EYS: variants seen among roughly 807,000 people sequenced by gnomAD.
EYS encodes the protein protein eyes shut homolog.
EYS carries 250 observed loss-of-function variants against 282.1 expected under a neutral mutation model. That is an observed-to-expected ratio of 0.89 (90% confidence interval 0.80 to 0.98). EYS has a LOEUF of 0.98. Ranked by LOEUF, EYS falls within the 50% of genes least tolerant of loss-of-function variation. The pLI, the probability that EYS is intolerant of heterozygous loss-of-function variation, is 0.00. For missense variants in EYS, 4,016 were observed against 3,709.0 expected (o/e 1.08, Z -2.15); for synonymous variants, 1,355 against 1,282.9 (o/e 1.06, Z -1.20).
chr6:65,433,415 AT>A (rs111665674), intron 5 of EYS, among the ~76,000 whole-genome samples: 87 of 152,264 alleles, frequency 5.7e-4, no homozygotes, highest in African/African-American at 2.0e-3. Context: ...AGGGTACATG[AT>A]TTAAAAAAAA....
chr6:65,345,828 C>G (rs540831425), intron 9 of EYS, among the ~76,000 whole-genome samples: 71 of 151,280 alleles, frequency 4.7e-4, no homozygotes, highest in Non-Finnish European at 9.1e-4. Context: ...GATACACTGA[C>G]TAAATTAGCA....
chr6:64,448,687 T>C (rs1775208245), intron 26 of EYS, among the ~76,000 whole-genome samples: 1 of 152,106 alleles, frequency 6.6e-6, no homozygotes, highest in Admixed American at 6.5e-5. Flanking sequence ...GCAGCAGCAT[T>C]TGCGGTTCAC....
At chr6:64,447,563 G>C (rs1460834334) in intron 26 of EYS, among the ~76,000 whole-genome samples, 1 of 151,704 alleles carries the variant, frequency 6.6e-6, no homozygotes, top group African/African-American at 2.4e-5. Context: ...AAATTCATTA[G>C]TACCTTGATC....
At chr6:63,951,883 A>T (rs565089160) in intron 35 of EYS, among the ~76,000 whole-genome samples, 1 of 152,338 alleles carries the variant, frequency 6.6e-6, no homozygotes, top group Non-Finnish European at 1.5e-5. Flanking sequence ...GAGATGCTTT[A>T]CAGCCCTAGA....
intron 2 of EYS, among the ~76,000 whole-genome samples, chr6:65,586,752 T>C (rs1765062524): frequency 6.6e-6 from 1 of 152,092 alleles, no homozygotes; most frequent in South Asian, 2.1e-4. Context: ...AATAAACCCA[T>C]TGACATATTG....
Position 64,501,172 on chromosome 6 carries a change from T to G in EYS, c.5645-61820A>C, listed in dbSNP as rs374332367. Reference sequence around the variant, plus strand: ...ATTGATATCCTCTGATTAAGTACCTTATTTCCTAAGAAAAAAAAGGAATAG... The same window carrying G: ...ATTGATATCCTCTGATTAAGTACCTGATTTCCTAAGAAAAAAAAGGAATAG... On this transcript the variant is annotated intron_variant, in intron 26 of 42. Transcript: ENST00000503581. 3.8e-4 allele frequency among the ~76,000 whole-genome samples: 58 copies of G among 152,022 alleles called. No individual in the cohort carries two copies. In the East Asian group the frequency reaches 8.3e-3, roughly 22 times the overall value.
chr6:64,041,757 G>A (rs560812134), intron 33 of EYS, among the ~76,000 whole-genome samples: 17 of 152,100 alleles, frequency 1.1e-4, no homozygotes, highest in Admixed American at 3.3e-4. Context: ...TTTCATTTTC[G>A]TTATTTTGAA....
At chr6:65,612,143 A>G (rs988694747) in intron 2 of EYS, among the ~76,000 whole-genome samples, 1 of 151,578 alleles carries the variant, frequency 6.6e-6, no homozygotes, top group East Asian at 1.9e-4. Context: ...AGGATGTTAA[A>G]ACAATTAATA....
intron 30 of EYS, among the ~76,000 whole-genome samples, chr6:64,275,739 G>C (rs1455563226): frequency 6.6e-6 from 1 of 151,172 alleles, no homozygotes; most frequent in Non-Finnish European, 1.5e-5. Context: ...GGCGGATCAC[G>C]AGGTCAGAGA....
intron 12 of EYS, among the ~76,000 whole-genome samples, chr6:65,233,598 A>G (rs191821847): frequency 1.3e-3 from 200 of 152,240 alleles, no homozygotes; most frequent in Non-Finnish European, 2.4e-3. Flanking sequence ...ATCATTATTT[A>G]GGGAGTTTAT....
intron 19 of EYS, among the ~76,000 whole-genome samples, chr6:64,856,780 G>GC (rs1766075925): frequency 6.6e-6 from 1 of 150,620 alleles, no homozygotes; most frequent in Non-Finnish European, 1.5e-5. Flanking sequence ...TCCAACTTAT[G>GC]TTTTTTTTTC....
intron 22 of EYS, among the ~76,000 whole-genome samples, chr6:64,633,843 A>C (rs1036451548): frequency 6.6e-6 from 1 of 152,148 alleles, no homozygotes; most frequent in African/African-American, 2.4e-5. Context: ...TTTCAACCCC[A>C]TGTGGGTCTT....
chr6:64,860,354 A>C, intron 19 of EYS, among the ~76,000 whole-genome samples: 1 of 152,196 alleles, frequency 6.6e-6, no homozygotes, highest in East Asian at 1.9e-4. Context: ...ATGCCTGCCA[A>C]GGTTGAGCAG....
At chr6:65,045,471 A>T (rs1399613883) in intron 13 of EYS, among the ~76,000 whole-genome samples, 4 of 151,886 alleles carry the variant, frequency 2.6e-5, no homozygotes, top group Admixed American at 2.6e-4. Flanking sequence ...GCATGATGAC[A>T]TTCTGAGAGG....
intron 22 of EYS, among the ~76,000 whole-genome samples, chr6:64,786,763 T>G (rs781272979): frequency 6.6e-6 from 1 of 152,198 alleles, no homozygotes; most frequent in Non-Finnish European, 1.5e-5. Flanking sequence ...TTTTAAAAAA[T>G]TATTCCTTCC....
intron 19 of EYS, among the ~76,000 whole-genome samples, chr6:64,865,545 A>G (rs924484339): frequency 6.6e-6 from 1 of 152,162 alleles, no homozygotes; most frequent in East Asian, 1.9e-4. Context: ...GAATGCATAT[A>G]TTGAAAAAGT....
intron 2 of EYS, among the ~76,000 whole-genome samples, chr6:65,521,096 A>G (rs771291238): frequency 6.6e-6 from 1 of 152,182 alleles, no homozygotes; most frequent in East Asian, 1.9e-4. Flanking sequence ...ATTTGCTGCA[A>G]TTAAGAGAAA....
chr6:65,194,723 C>T (rs1765723412), intron 12 of EYS, among the ~76,000 whole-genome samples: 2 of 151,960 alleles, frequency 1.3e-5, no homozygotes, highest in African/African-American at 4.8e-5. Context: ...AAGGGGTCCT[C>T]CCGACCCTAG....
intron 33 of EYS, among the ~76,000 whole-genome samples, chr6:64,005,751 A>G (rs1023492446): frequency 6.6e-6 from 1 of 151,898 alleles, no homozygotes; most frequent in Non-Finnish European, 1.5e-5. Flanking sequence ...TTTTTTTGTT[A>G]ACTTTATTGA....
Sources: allele counts gnomAD v4.1 joint callset (sites outside exome capture counted in the v4.1 genomes callset), GRCh38; gene constraint gnomAD v4.1.1; transcripts MANE v1.5; gene names NCBI Gene and HGNC (gene_info 2026-07-23, HGNC 2026-07-21).